FYCO1: variants seen among roughly 807,000 people sequenced by gnomAD.
The protein encoded by FYCO1 is FYVE and coiled-coil domain autophagy adaptor 1.
In FYCO1, 122 loss-of-function variants were observed where a neutral mutation model predicts 165.1. The ratio of observed to expected loss-of-function variants is 0.74; its 90% CI spans 0.64 to 0.86. The LOEUF is 0.86. Among genes scored for constraint, FYCO1 ranks in the 40% least tolerant of loss-of-function variants. The pLI is 0.00. For missense variants in FYCO1, 1,702 were observed against 1,810.3 expected (o/e 0.94, Z 1.09); for synonymous variants, 648 against 742.5 (o/e 0.87, Z 2.07).
rs1179885561 is a variant in FYCO1, at chr3:45,992,174, C to A, written c.-113+3548G>T. 2.0e-5 allele frequency among the ~76,000 whole-genome samples: 3 copies of A among 152,328 alleles called. No homozygotes were observed. The East Asian group carries it at 5.8e-4, about 29-fold the overall frequency. On this transcript the variant is annotated intron_variant, in intron 1 of 17. Coordinates refer to ENST00000296137, the MANE Select transcript of FYCO1 (RefSeq NM_024513.4). The stretch of plus-strand genomic sequence containing the variant: ...GGCAGCCCTAGCACAAATACACCTC[C>A]CAAGGCCCTTGTCTCTCCATTCCTG...
At chr3:45,938,062 G>C in intron 14 of FYCO1, 1 of 421,566 alleles carries the variant, frequency 2.4e-6, no homozygotes, top group Non-Finnish European at 4.6e-6. Flanking sequence ...CAGAATGAGA[G>C]AGACACTGAA....
At chr3:45,946,454 C>T (rs1222033673) in intron 14 of FYCO1, 1 of 1,578,196 alleles carries the variant, frequency 6.3e-7, no homozygotes, top group Admixed American at 1.7e-5. Context: ...TGGGTTCTGA[C>T]TCACAGGTGT....
chr3:45,992,852 T>C (rs1435812018), intron 1 of FYCO1, among the ~76,000 whole-genome samples: 1 of 152,210 alleles, frequency 6.6e-6, no homozygotes, highest in African/African-American at 2.4e-5. Context: ...AACCACTGTT[T>C]CTGATTCAGC....
chr3:45,925,033 A>G (rs982683001), intron 16 of FYCO1, among the ~76,000 whole-genome samples: 2 of 152,048 alleles, frequency 1.3e-5, no homozygotes, highest in African/African-American at 4.8e-5. Context: ...GGATTCAAGC[A>G]ATTCTCCTGC....
intron 2 of FYCO1, among the ~76,000 whole-genome samples, chr3:45,983,578 T>C (rs1461331885): frequency 2.0e-5 from 3 of 152,170 alleles, no homozygotes; most frequent in African/African-American, 4.8e-5. Context: ...TTTCACCCTC[T>C]TCCCTCCCAA....
At chr3:45,949,709 C>T (rs1704877773) in intron 14 of FYCO1, among the ~76,000 whole-genome samples, 1 of 152,198 alleles carries the variant, frequency 6.6e-6, no homozygotes, top group African/African-American at 2.4e-5. Flanking sequence ...AACAGAAAAG[C>T]AGCGCTGGGA....
rs760880027 is a variant in FYCO1 at position 45,936,501 on chromosome 3, GT to G, written c.3986del (p.Asp1329AlafsTer13). On this transcript the variant is annotated frameshift_variant, in exon 15 of 18. Transcript: ENST00000296137. LOFTEE classifies it high-confidence loss of function. ...STSLTPEDTE[D>X]MPVGQDSEIC... ...TTTCCGAATCCTGCCCCACGGGCAT[GT>G]CTTCAGTGTCCTCAGGCGTTAGCGA... is the stretch of plus-strand genomic sequence containing the variant. 2 of 1,614,080 alleles carry G rather than the reference GT, an allele frequency of 1.2e-6. No homozygotes were observed. Among genetic ancestry groups the G allele is most frequent in the East Asian group, 4.5e-5 (2 of 44,886 alleles).
At position 45,931,264 on chromosome 3, in the gene FYCO1, G is replaced by A. The variant is rs1321484992; in HGVS notation, c.4058C>T (p.Thr1353Ile). The A allele has an allele frequency of 5.6e-6, 9 of 1,613,790 alleles. No homozygotes were observed. The highest frequency in any genetic ancestry group is 2.2e-5 in the South Asian group (2 of 91,078). Residue 1353 changes from threonine to isoleucine, a missense_variant, in exon 16 of 18, where the codon ACA (threonine) becomes ATA (isoleucine). Coordinates refer to ENST00000296137, the MANE Select transcript of FYCO1 (RefSeq NM_024513.4). The part of the protein sequence containing the change: ...SGELMIKVPL[T>I]VDEIASFGEG... ...CCCGAAGCTGGCGATCTCATCCACT[G>A]TGAGGGGTACTTTGATCCTAAAATA... is the stretch of plus-strand genomic sequence containing the variant.
chr3:45,921,417 C>T lies in FYCO1; in HGVS notation c.*348G>A. 2.8e-6 allele frequency: 1 copy of T among 354,458 alleles called. No individual in the cohort carries two copies. The highest frequency in any genetic ancestry group is 2.3e-5 in the South Asian group (1 of 43,296). 22.0% of individuals were successfully genotyped at this position (354,458 alleles called of 1,614,324 possible). A position where few individuals can be genotyped will look rare whatever the true frequency, so the allele number is the denominator to read the frequency against. ...CCACAGGCAGAAGTTGGAATCACCCCTGCCCGTGAAACTCTCCACAAGAGG... is the reference window on the plus strand; with the variant it reads ...CCACAGGCAGAAGTTGGAATCACCCTTGCCCGTGAAACTCTCCACAAGAGG... On this transcript the variant is annotated 3_prime_UTR_variant, in exon 18 of 18. Coordinates refer to ENST00000296137, the MANE Select transcript of FYCO1 (RefSeq NM_024513.4).
Position 45,964,638 on chromosome 3 carries a change from TTGTGG to T in FYCO1, c.3151-189_3151-185del. 5 of 790,034 alleles carry T rather than the reference TTGTGG, an allele frequency of 6.3e-6. No individual in the cohort carries two copies. Among genetic ancestry groups the T allele is most frequent in the Non-Finnish European group, 7.7e-6 (5 of 651,452 alleles). 48.9% of individuals were successfully genotyped at this position (790,034 alleles called of 1,614,324 possible). On this transcript the variant is annotated intron_variant, in intron 9 of 17. Coordinates refer to ENST00000296137, the MANE Select transcript of FYCO1 (RefSeq NM_024513.4). The surrounding 1 kb of genome is among the most constrained non-coding windows in gnomAD (Gnocchi z 4.1). The stretch of plus-strand genomic sequence containing the variant: ...TTTGTGGGGCCTCAACTGCAACTAG[TTGTGG>T]TGGTTGGCAAGTGGCAGGTACCAGA...
chr3:45,939,119 G>A (rs948800908), intron 14 of FYCO1, among the ~76,000 whole-genome samples: 1 of 152,282 alleles, frequency 6.6e-6, no homozygotes, highest in Non-Finnish European at 1.5e-5. Flanking sequence ...CTTTCCTTCC[G>A]AGTTTCTGTC....
chr3:45,936,399 C>T, intron 15 of FYCO1, 49 bp downstream of exon 15: 1 of 1,306,280 alleles, frequency 7.7e-7, no homozygotes, highest in Non-Finnish European at 1.1e-6. Context: ...GGCCAGTGCT[C>T]CTCCCAATGC....
At chr3:45,947,106 G>T (rs375989077) in intron 14 of FYCO1, 3 of 1,614,222 alleles carry the variant, frequency 1.9e-6, no homozygotes, top group Admixed American at 3.3e-5. Context: ...CACCATGATT[G>T]TCTGCTATTC....
chr3:45,923,672 C>A lies in FYCO1; in HGVS notation c.4345G>T (p.Asp1449Tyr), dbSNP rs373944246. ...TGGCCCTACCTTGAGAAGGTATTGTCGAAGATGAGCATGTAGATGCCGGGT... is the reference window on the plus strand; with the variant it reads ...TGGCCCTACCTTGAGAAGGTATTGTAGAAGATGAGCATGTAGATGCCGGGT... ...RTPGIYMLIFDNTFSRFVSKK... is the reference protein window; with the variant it reads ...RTPGIYMLIFYNTFSRFVSKK... The change falls in exon 17 of 18, where the codon GAC becomes TAC. Residue 1449 changes from aspartate to tyrosine, a missense_variant. By Grantham distance (160) the Asp-to-Tyr change is radical. Transcript: ENST00000296137. 3.7e-6 allele frequency: 6 copies of A among 1,613,066 alleles called. No individual in the cohort carries two copies. Among genetic ancestry groups the A allele is most frequent in the Non-Finnish European group, 4.2e-6 (5 of 1,179,044 alleles).
intron 7 of FYCO1, among the ~76,000 whole-genome samples, chr3:45,968,984 C>T (rs767127580): frequency 3.9e-5 from 6 of 152,182 alleles, no homozygotes; most frequent in Non-Finnish European, 8.8e-5. Context: ...ACTTAATGGA[C>T]GTTGTCTCTG....
Position 45,931,185 on chromosome 3 carries a change from G to C in FYCO1, c.4137C>G (p.Ile1379Met), listed in dbSNP as rs1442448073. The change falls in exon 16 of 18, where the codon ATC becomes ATG. Residue 1379 changes from isoleucine (I) to methionine (M), a missense_variant. By Grantham distance (10) the Ile-to-Met change is conservative. Transcript: ENST00000296137. ...VRSSTYSLIP[I>M]TVAEAGLTIS... The stretch of plus-strand genomic sequence containing the variant: ...TGGTGAGGCCTGCCTCGGCCACAGT[G>C]ATGGGGATCAGGCTGTAGGTGCTGG... 1 of 1,614,128 alleles carries C rather than the reference G, an allele frequency of 6.2e-7. No individual in the cohort carries two copies. Among genetic ancestry groups the C allele is most frequent in the South Asian group, 1.1e-5 (1 of 91,082 alleles).
chr3:45,958,307 A>G (rs1476114503), intron 13 of FYCO1, 101 bp downstream of exon 13: 1 of 1,052,248 alleles, frequency 9.5e-7, no homozygotes, highest in African/African-American at 1.6e-5. Context: ...TAAGTTTAGA[A>G]AACACTGAAT....
chr3:45,947,235 T>C (rs778565409), intron 14 of FYCO1: 1 of 1,614,172 alleles, frequency 6.2e-7, no homozygotes, highest in Non-Finnish European at 8.5e-7. Flanking sequence ...CCTCATGAAG[T>C]TCATCCGCAG....
intron 16 of FYCO1, among the ~76,000 whole-genome samples, chr3:45,929,757 C>G (rs1477075367): frequency 1.3e-5 from 2 of 152,202 alleles, no homozygotes; most frequent in Admixed American, 1.3e-4. Context: ...ACAAGGCCAA[C>G]CCAAGGGAGT....
Sources: allele counts gnomAD v4.1 joint callset (sites outside exome capture counted in the v4.1 genomes callset), GRCh38; gene constraint gnomAD v4.1.1; non-coding constraint Gnocchi (gnomAD v3.1); transcripts MANE v1.5; gene names NCBI Gene and HGNC (gene_info 2026-07-23, HGNC 2026-07-21).